The following SH2D5 variants were observed in gnomAD, a reference collection of about 807,000 sequenced individuals.
SH2D5 encodes the protein SH2 domain containing 5.
In SH2D5, 45 loss-of-function variants were observed where a neutral mutation model predicts 48.2. That is an observed-to-expected ratio of 0.93 (90% confidence interval 0.73 to 1.20). SH2D5 has a LOEUF of 1.20. Among genes scored for constraint, SH2D5 ranks in the 50% most tolerant of loss-of-function variants. SH2D5 has a pLI of 0.00. For synonymous variants in SH2D5, 230 were observed against 249.8 expected, an observed-to-expected ratio of 0.92 and a Z score of 0.75; for missense variants, 538 against 584.1, an observed-to-expected ratio of 0.92 and a Z score of 0.81.
chr1:20,724,421 G>T lies in SH2D5; in HGVS notation c.605C>A (p.Pro202Gln), dbSNP rs1489746919. ...CCCACTGCCCACCAGCCCCTCTGCT[G>T]GCAGCCGCCGAAAGGAGACCAGGGC... is the stretch of plus-strand genomic sequence containing the variant. ...VHALVSFRRL[P>Q]AEGLVGSGKE... The change falls in exon 6 of 10, where the codon CCA becomes CAA. Residue 202 changes from proline (P) to glutamine (Q), a missense_variant. Pro to Gln is a moderately conservative substitution (Grantham distance 76). Transcript: ENST00000444387. 1 of 1,612,902 alleles carries T rather than the reference G, an allele frequency of 6.2e-7. No homozygotes were observed. Among genetic ancestry groups the T allele is most frequent in the East Asian group, 2.2e-5 (1 of 44,872 alleles).
rs1049219682 is a variant in SH2D5, at chr1:20,732,270, G to T, written c.-132C>A. 1.1e-4 allele frequency: 16 copies of T among 152,302 alleles called. No individual in the cohort carries two copies. Among genetic ancestry groups the T allele is most frequent in the African/African-American group, 3.1e-4 (13 of 41,562 alleles). 9.4% of individuals were successfully genotyped at this position (152,302 alleles called of 1,614,324 possible). ...TGGCACTGCCCACGCCCGGCGCTCC[G>T]CCTGGAAGGGCGGGAGGGGCTCGCC... is the stretch of plus-strand genomic sequence containing the variant. On this transcript the variant is annotated 5_prime_UTR_variant, in exon 1 of 10. Transcript: ENST00000444387. This position sits in a 1 kb window ranked among gnomAD's most constrained non-coding sequence, Gnocchi z 5.1.
Position 20,728,046 on chromosome 1 carries a change from G to T in SH2D5, c.-2C>A. 1.9e-6 allele frequency: 3 copies of T among 1,539,846 alleles called. No individual in the cohort carries two copies. Among genetic ancestry groups the T allele is most frequent in the Non-Finnish European group, 1.8e-6 (2 of 1,141,486 alleles). ...GCCCCCAGCCCCCGCCTTCTGCATG[G>T]CCCCCAGGGTGCCTGGCTTCCAGCT... On this transcript the variant is annotated 5_prime_UTR_variant, in exon 2 of 10. Transcript: ENST00000444387. The surrounding 1 kb of genome is among the most constrained non-coding windows in gnomAD (Gnocchi z 4.3).
intron 5 of SH2D5, among the ~76,000 whole-genome samples, chr1:20,725,570 G>T (rs376315482): frequency 6.6e-6 from 1 of 152,198 alleles, no homozygotes; most frequent in Non-Finnish European, 1.5e-5. Context: ...GAGTCAAGGC[G>T]GGGTTCAGAC....
chr1:20,724,006 C>T (rs2054742017), intron 7 of SH2D5, 77 bp downstream of exon 7: 1 of 1,544,368 alleles, frequency 6.5e-7, no homozygotes, highest in African/African-American at 1.4e-5. Flanking sequence ...GGCACTCACG[C>T]CCACCTCTGG....
chr1:20,725,918 A>G lies in SH2D5; in HGVS notation c.390+2T>C. On this transcript the variant is annotated splice_donor_variant, in intron 5 of 9. Transcript: ENST00000444387. LOFTEE classifies it high-confidence loss of function. ...CGGTCCCCTGCCTCAAGCCCCAGAT[A>G]CCTCTCCTGGCTGGCTGCCCACAAA... The G allele has an allele frequency of 1.2e-6, 2 of 1,612,578 alleles. No individual in the cohort carries two copies. The highest frequency in any genetic ancestry group is 8.5e-7 in the Non-Finnish European group (1 of 1,179,768).
At chr1:20,723,791 G>A (rs1213246257) in intron 7 of SH2D5, 57 bp from the exon 8 acceptor site, 59 of 1,405,258 alleles carry the variant, frequency 4.2e-5, no homozygotes, top group Admixed American at 5.7e-5. Context: ...CATTCCCTGC[G>A]GCCGCAGGCC....
chr1:20,727,818 G>GCA (rs2054831796), intron 2 of SH2D5, 140 bp downstream of exon 2: 2 of 862,744 alleles, frequency 2.3e-6, no homozygotes, highest in Non-Finnish European at 3.8e-6. Flanking sequence ...CCTCATCGGG[G>GCA]CACACACACA....
rs374290634 is a variant in SH2D5 at position 20,723,531 on chromosome 1, G to A, written c.908+95C>T. Reference sequence around the variant, plus strand: ...CACTGAGGTTGGGAGCGCTCTGCCCGTGCACGGGAGTGTGTGCCTCAGGGG... The same window carrying A: ...CACTGAGGTTGGGAGCGCTCTGCCCATGCACGGGAGTGTGTGCCTCAGGGG... On this transcript the variant is annotated intron_variant, in intron 8 of 9. Transcript: ENST00000444387. The A allele has an allele frequency of 3.0e-5, 28 of 947,248 alleles. 1 individual carries two copies. The highest frequency in any genetic ancestry group is 2.6e-4 in the South Asian group (17 of 65,406). The allele number at this position is 947,248 out of a possible 1,614,324, so 58.7% of individuals were successfully genotyped here.
intron 4 of SH2D5, 39 bp from the exon 5 acceptor site, chr1:20,726,105 C>T (rs936259783): frequency 1.6e-5 from 25 of 1,551,726 alleles, no homozygotes; most frequent in East Asian, 1.2e-4. Context: ...TCAGACCCAC[C>T]GGGCAGCCCC....
At chr1:20,727,796 G>C (rs893673469) in intron 2 of SH2D5, among the ~76,000 whole-genome samples, 162 bp downstream of exon 2, 1 of 152,196 alleles carries the variant, frequency 6.6e-6, no homozygotes, top group Non-Finnish European at 1.5e-5. Flanking sequence ...GAAGCTCTCT[G>C]AAGTCCCAGT....
At position 20,724,429 on chromosome 1, in the gene SH2D5, C is replaced by G; in HGVS notation, c.597G>C (p.Arg199=). The G allele has an allele frequency of 1.9e-6, 3 of 1,612,924 alleles. No homozygotes were observed. Among genetic ancestry groups the G allele is most frequent in the Non-Finnish European group, 2.5e-6 (3 of 1,180,000 alleles). ...SQNVHALVSF[R]RLPAEGLVGS... ...CCACCAGCCCCTCTGCTGGCAGCCGCCGAAAGGAGACCAGGGCATGGACGT... is the reference window on the plus strand; with the variant it reads ...CCACCAGCCCCTCTGCTGGCAGCCGGCGAAAGGAGACCAGGGCATGGACGT... The change falls in exon 6 of 10, where the codon CGG becomes CGC. Residue 199 remains arginine, a synonymous_variant. Coordinates refer to ENST00000444387, the MANE Select transcript of SH2D5 (RefSeq NM_001103161.2).
chr1:20,724,667 G>A (rs1406505296), intron 5 of SH2D5, 32 bp from the exon 6 acceptor site: 3 of 1,503,418 alleles, frequency 2.0e-6, no homozygotes, highest in South Asian at 1.3e-5. Context: ...GGGCTCAGCT[G>A]GAGGAGGTCT....
Position 20,719,979 on chromosome 1 carries a change from C to G in SH2D5, c.*1813G>C, listed in dbSNP as rs1047809049. On this transcript the variant is annotated 3_prime_UTR_variant, in exon 10 of 10. Coordinates refer to ENST00000444387, the MANE Select transcript of SH2D5 (RefSeq NM_001103161.2). ...ACATGGCCCTGATAGCTTCTCCACA[C>G]AGGTAATTCACCAGTAAAACCCATC... 3.9e-5 allele frequency: 6 copies of G among 152,218 alleles called. No individual in the cohort carries two copies. Among genetic ancestry groups the G allele is most frequent in the Admixed American group, 2.0e-4 (3 of 15,274 alleles). 9.4% of individuals were successfully genotyped at this position (152,218 alleles called of 1,614,324 possible). A position where few individuals can be genotyped will look rare whatever the true frequency, so the allele number is the denominator to read the frequency against.
chr1:20,727,162 G>A, intron 3 of SH2D5, 87 bp from the exon 4 acceptor site: 1 of 1,178,384 alleles, frequency 8.5e-7, no homozygotes, highest in South Asian at 1.5e-5. Context: ...ACCAAAGGCT[G>A]GTCAGCCCAC....
rs1417223695 is a variant in SH2D5, at chr1:20,732,205, C to G, written c.-67G>C. ...CCAATCGGCGCCCGCGGAGCCGCTC[C>G]GCTCGGCCGCACCACCCAATCAGCG... is the stretch of plus-strand genomic sequence containing the variant. On this transcript the variant is annotated 5_prime_UTR_variant, in exon 1 of 10. Coordinates refer to ENST00000444387, the MANE Select transcript of SH2D5 (RefSeq NM_001103161.2). The surrounding 1 kb of genome is among the most constrained non-coding windows in gnomAD (Gnocchi z 5.1). 2 of 152,136 alleles carry G rather than the reference C, an allele frequency of 1.3e-5. No individual in the cohort carries two copies. The highest frequency in any genetic ancestry group is 2.9e-5 in the Non-Finnish European group (2 of 68,032). 9.4% of individuals were successfully genotyped at this position (152,136 alleles called of 1,614,324 possible). A position where few individuals can be genotyped will look rare whatever the true frequency, so the allele number is the denominator to read the frequency against.
chr1:20,725,429 C>T (rs910643487), intron 5 of SH2D5, among the ~76,000 whole-genome samples: 2 of 152,242 alleles, frequency 1.3e-5, no homozygotes, highest in African/African-American at 4.8e-5. Context: ...CCCGACCGCT[C>T]TGGGCCAAGC....
chr1:20,725,390 G>T (rs2054775066), intron 5 of SH2D5, among the ~76,000 whole-genome samples: 1 of 152,240 alleles, frequency 6.6e-6, no homozygotes, highest in South Asian at 2.1e-4. Flanking sequence ...CAGCCAGGCT[G>T]GCTTTGACTT....
rs1273381625 is a variant in SH2D5, at chr1:20,728,102, G to T, written c.-42-16C>A. 2.3e-6 allele frequency: 3 copies of T among 1,278,328 alleles called. No individual in the cohort carries two copies. The highest frequency in any genetic ancestry group is 2.3e-4 in the Middle Eastern group (1 of 4,420). 79.2% of individuals were successfully genotyped at this position (1,278,328 alleles called of 1,614,324 possible). The stretch of plus-strand genomic sequence containing the variant: ...GGAGGGGAGGCTGCAAAGGGCAGGG[G>T]GGGAAGGGCTGCTTTCGAGGCAGGC... On this transcript the variant is annotated splice_polypyrimidine_tract_variant and intron_variant, in intron 1 of 9. Transcript: ENST00000444387. The surrounding 1 kb of genome is among the most constrained non-coding windows in gnomAD (Gnocchi z 4.3).
intron 2 of SH2D5, 86 bp from the exon 3 acceptor site, chr1:20,727,689 C>T: frequency 8.0e-7 from 1 of 1,243,212 alleles, no homozygotes; most frequent in Non-Finnish European, 1.1e-6. Context: ...CCCAAACACA[C>T]ATCTGCTCTG....
Sources: allele counts gnomAD v4.1 joint callset (sites outside exome capture counted in the v4.1 genomes callset), GRCh38; gene constraint gnomAD v4.1.1; non-coding constraint Gnocchi (gnomAD v3.1); transcripts MANE v1.5; gene names NCBI Gene and HGNC (gene_info 2026-07-23, HGNC 2026-07-21).